Variants in NRK observed in about 807,000 individuals in gnomAD.
NRK encodes the protein nik-related protein kinase.
A neutral mutation model predicts 125.2 loss-of-function variants in NRK; 67 were observed. That is an observed-to-expected ratio of 0.54 (90% CI 0.44 to 0.66). The LOEUF is 0.66. NRK is among the 30% of genes least tolerant of loss of function. NRK has a pLI of 0.00. For synonymous variants in NRK, 458 were observed against 429.0 expected, an observed-to-expected ratio of 1.07 and a Z score of -0.84; for missense variants, 1,224 against 1,192.9, an observed-to-expected ratio of 1.03 and a Z score of -0.38.
At position 105,955,772 on chromosome X, in the gene NRK, T is replaced by G. The variant is rs2040968816; in HGVS notation, c.*172T>G. The G allele has an allele frequency of 2.6e-6, 1 of 386,109 alleles. No homozygotes were observed. Among genetic ancestry groups the G allele is most frequent in the African/African-American group, 2.5e-5 (1 of 39,712 alleles). 31.8% of individuals were successfully genotyped at this position (386,109 alleles called of 1,213,427 possible). ...TTAATGAGAAATGCAGCTTTATGTA[T>G]AAAATTAACTATAGCAAGCTCTAGG... is the stretch of plus-strand genomic sequence containing the variant. On this transcript the variant is annotated 3_prime_UTR_variant, in exon 29 of 29. Coordinates refer to ENST00000243300, the MANE Select transcript of NRK (RefSeq NM_198465.4).
intron 1 of NRK, among the ~76,000 whole-genome samples, chrX:105,824,242 T>G: frequency 8.9e-6 from 1 of 112,051 alleles, no homozygotes; most frequent in East Asian, 2.8e-4. Flanking sequence ...AAATTAAATC[T>G]TTTCTCATTC....
At chrX:105,882,042 C>T (rs2039890222) in intron 4 of NRK, among the ~76,000 whole-genome samples, 1 of 110,638 alleles carries the variant, frequency 9.0e-6, no homozygotes, top group Non-Finnish European at 1.9e-5. Flanking sequence ...TGAGGAATTG[C>T]GTAAATTTAC....
At chrX:105,835,975 C>G (rs2039260243) in intron 2 of NRK, among the ~76,000 whole-genome samples, 1 of 111,595 alleles carries the variant, frequency 9.0e-6, no homozygotes, top group African/African-American at 3.2e-5. Context: ...TATGTGCCCA[C>G]AAAAATTAAA....
rs1337296113 is a variant in NRK at position 105,908,308 on chromosome X, G to A, written c.1085+5G>A. On this transcript the variant is annotated splice_donor_5th_base_variant and intron_variant, in intron 12 of 28. Coordinates refer to ENST00000243300, the MANE Select transcript of NRK (RefSeq NM_198465.4). ...GTACACCGTGAGAAGATTCAGGTGC[G>A]TTCCACAAATTGCATATATAATTTG... 3.1e-6 allele frequency: 3 copies of A among 973,188 alleles called. No individual in the cohort carries two copies. Among genetic ancestry groups the A allele is most frequent in the Non-Finnish European group, 2.8e-6 (2 of 717,117 alleles). 80.2% of individuals were successfully genotyped at this position (973,188 alleles called of 1,213,427 possible).
rs1378362069 is a variant in NRK at position 105,957,921 on chromosome X, C to T, written c.*2321C>T. On this transcript the variant is annotated 3_prime_UTR_variant, in exon 29 of 29. Coordinates refer to ENST00000243300, the MANE Select transcript of NRK (RefSeq NM_198465.4). ...CATGGTCAGTTTATTTTGTAAGAGACAGAAGAAATTATATCTATACATTAC... is the reference window on the plus strand; with the variant it reads ...CATGGTCAGTTTATTTTGTAAGAGATAGAAGAAATTATATCTATACATTAC... The T allele has an allele frequency of 8.9e-6, 1 of 111,952 alleles. No homozygotes were observed. Among genetic ancestry groups the T allele is most frequent in the Non-Finnish European group, 1.9e-5 (1 of 53,228 alleles). The allele number at this position is 111,952 out of a possible 1,213,427, so 9.2% of individuals were successfully genotyped here. A position where few individuals can be genotyped will look rare whatever the true frequency, so the allele number is the denominator to read the frequency against.
chrX:105,909,681 G>A lies in NRK; in HGVS notation c.2040G>A (p.Gln680=). The A allele has an allele frequency of 8.4e-7, 1 of 1,189,936 alleles. No homozygotes were observed. The highest frequency in any genetic ancestry group is 1.1e-6 in the Non-Finnish European group (1 of 883,840). ...SSNRFYSQPE[Q]AREKKSKVST... ...ATAGGTTTTACTCACAACCAGAACA[G>A]GCACGGGAGAAAAAATCAAAAGTTT... Residue 680 remains glutamine, a synonymous_variant, in exon 13 of 29, where the codon CAG becomes CAA. Transcript: ENST00000243300.
intron 2 of NRK, among the ~76,000 whole-genome samples, chrX:105,847,456 T>C (rs1386450391): frequency 8.9e-6 from 1 of 112,607 alleles, no homozygotes; most frequent in Non-Finnish European, 1.9e-5. Context: ...TTCTAGTAGC[T>C]AGCTTTTTAT....
intron 2 of NRK, among the ~76,000 whole-genome samples, chrX:105,864,592 A>G (rs989096888): frequency 9.0e-6 from 1 of 111,208 alleles, no homozygotes; most frequent in Non-Finnish European, 1.9e-5. Flanking sequence ...ACACACACAC[A>G]CAGACACGCA....
At chrX:105,877,029 C>T (rs1386439317) in intron 2 of NRK, among the ~76,000 whole-genome samples, 1 of 111,760 alleles carries the variant, frequency 8.9e-6, no homozygotes, top group Non-Finnish European at 1.9e-5. Context: ...GTGGAGAAAC[C>T]TGGCAGGTTG....
intron 2 of NRK, among the ~76,000 whole-genome samples, chrX:105,856,093 AAT>A (rs1335772146): frequency 8.9e-6 from 1 of 111,838 alleles, no homozygotes; most frequent in Non-Finnish European, 1.9e-5. Context: ...ATTTTATGAA[AAT>A]ATATCTAAAT....
intron 2 of NRK, among the ~76,000 whole-genome samples, chrX:105,853,806 T>C (rs2039501494): frequency 8.9e-6 from 1 of 112,470 alleles, no homozygotes; most frequent in Non-Finnish European, 1.9e-5. Context: ...GCAAATATCC[T>C]GAGTCTTCTA....
rs72618324 is a variant in NRK, at chrX:105,862,684, T to G, written c.124-17515T>G. ...ATGTACAAACTATATAGAGAATATATTGGTTTTGAAATGGGTGTGTTTGTG... is the reference window on the plus strand; with the variant it reads ...ATGTACAAACTATATAGAGAATATAGTGGTTTTGAAATGGGTGTGTTTGTG... On this transcript the variant is annotated intron_variant, in intron 2 of 28. Coordinates refer to ENST00000243300, the MANE Select transcript of NRK (RefSeq NM_198465.4). Among the ~76,000 whole-genome samples, 158 of 111,909 alleles carry G rather than the reference T, an allele frequency of 1.4e-3. 2 individuals are homozygous for G. In the East Asian group the frequency reaches 0.039, roughly 28 times the overall value.
intron 2 of NRK, among the ~76,000 whole-genome samples, chrX:105,869,903 G>A (rs920252470): frequency 9.1e-6 from 1 of 109,365 alleles, no homozygotes; most frequent in African/African-American, 3.5e-5. Flanking sequence ...ATTACATAAA[G>A]AAAGCAATCT....
intron 19 of NRK, among the ~76,000 whole-genome samples, chrX:105,929,042 T>C (rs932414366): frequency 4.5e-5 from 5 of 111,791 alleles, no homozygotes; most frequent in Non-Finnish European, 9.4e-5. Context: ...CTTTGTTGAT[T>C]TTCTGTGTAG....
intron 5 of NRK, among the ~76,000 whole-genome samples, chrX:105,889,043 C>T (rs891707441): frequency 1.8e-5 from 2 of 111,973 alleles, no homozygotes; most frequent in Non-Finnish European, 3.8e-5. Context: ...GTCTGCCGTA[C>T]AAATTCTCAT....
intron 2 of NRK, among the ~76,000 whole-genome samples, chrX:105,838,021 C>T (rs1465724556): frequency 9.0e-6 from 1 of 110,848 alleles, no homozygotes; most frequent in African/African-American, 3.3e-5. Context: ...AACAATAAAA[C>T]AAATGTATTA....
intron 7 of NRK, among the ~76,000 whole-genome samples, chrX:105,895,872 A>T (rs1306662434): frequency 2.7e-5 from 3 of 112,158 alleles, no homozygotes; most frequent in African/African-American, 9.7e-5. Flanking sequence ...TTCGATGCCA[A>T]GGGAAGGGAT....
chrX:105,879,647 A>T (rs1204656734), intron 2 of NRK, among the ~76,000 whole-genome samples: 1 of 111,501 alleles, frequency 9.0e-6, no homozygotes, highest in East Asian at 2.8e-4. Flanking sequence ...TGAATTAATT[A>T]TGAATCACTC....
chrX:105,823,843 G>GGAATAAGCAGGCACC (rs1379466887), intron 1 of NRK, among the ~76,000 whole-genome samples: 1 of 112,093 alleles, frequency 8.9e-6, no homozygotes, highest in East Asian at 2.8e-4. Context: ...TCTCCGAAAG[G>GGAATAAGCAGGCACC]GAATAAGCAG....
Sources: gnomAD v4.1 joint callset for allele counts (sites outside exome capture counted in the v4.1 genomes callset) on GRCh38, gnomAD v4.1.1 for gene constraint, MANE v1.5 for transcripts, NCBI Gene and HGNC (gene_info 2026-07-23, HGNC 2026-07-21) for gene names.